Variants in USP7 observed in about 807,000 individuals in gnomAD.
USP7 encodes the protein ubiquitin specific peptidase 7, also known as ubiquitin C-terminal hydrolase 7.
In USP7, 9 loss-of-function variants were observed where a neutral mutation model predicts 162.9. That is an observed-to-expected ratio of 0.06 (90% confidence interval 0.03 to 0.10). The LOEUF (loss-of-function observed/expected upper bound fraction) is 0.10, where lower values mean the gene tolerates loss of function less well. Among genes scored for constraint, USP7 ranks in the 10% least tolerant of loss-of-function variants. The pLI is 1.00. For synonymous variants in USP7, 562 were observed against 475.9 expected (o/e 1.18, Z -2.35); for missense variants, 715 against 1,373.7 (o/e 0.52, Z 7.58).
chr16:8,945,896 TAAAAATTAAAA>T (rs1317380693), intron 1 of USP7, among the ~76,000 whole-genome samples: 1 of 149,900 alleles, frequency 6.7e-6, no homozygotes, highest in Non-Finnish European at 1.5e-5. Flanking sequence ...AAAAAAAAAG[TAAAAATTAAAA>T]AAAACAACAG....
chr16:8,919,337 C>A (rs982576124), intron 5 of USP7, among the ~76,000 whole-genome samples, 198 bp from the exon 6 acceptor site: 4 of 152,006 alleles, frequency 2.6e-5, no homozygotes, highest in African/African-American at 9.7e-5. Context: ...CCCCCACATT[C>A]GCACAGCCCT....
chr16:8,912,222 T>TA (rs2061958205), intron 10 of USP7, among the ~76,000 whole-genome samples: 1 of 151,650 alleles, frequency 6.6e-6, no homozygotes, highest in Non-Finnish European at 1.5e-5. Flanking sequence ...GAGGCAGAGG[T>TA]ACGTGGATCG....
intron 16 of USP7, 136 bp downstream of exon 16, chr16:8,903,132 G>T: frequency 8.4e-7 from 1 of 1,186,552 alleles, no homozygotes. Context: ...AAATGTTCCT[G>T]GGTCACACTC....
chr16:8,898,171 C>G (rs1375985482), intron 25 of USP7, among the ~76,000 whole-genome samples, 189 bp downstream of exon 25: 6 of 152,178 alleles, frequency 3.9e-5, no homozygotes, highest in Non-Finnish European at 8.8e-5. Flanking sequence ...ACATGTCATG[C>G]ACCCCAGAGG....
At chr16:8,918,275 G>A (rs1390196939) in intron 6 of USP7, among the ~76,000 whole-genome samples, 2 of 152,082 alleles carry the variant, frequency 1.3e-5, no homozygotes, top group Non-Finnish European at 2.9e-5. Context: ...CCCACAACCA[G>A]GAGTGCCGAT....
Position 8,915,357 on chromosome 16 carries a change from A to C in USP7, c.988-13T>G, listed in dbSNP as rs1352896814. 1 of 1,613,114 alleles carries C rather than the reference A, an allele frequency of 6.2e-7. No individual in the cohort carries two copies. Among genetic ancestry groups the C allele is most frequent in the African/African-American group, 1.3e-5 (1 of 74,850 alleles). Reference sequence around the variant, plus strand: ...ACTGGATATAGGACTGCAAATAAGGAAAGTAAAAGTGGTTTAACTAGTAAT... The same window carrying C: ...ACTGGATATAGGACTGCAAATAAGGCAAGTAAAAGTGGTTTAACTAGTAAT... On this transcript the variant is annotated splice_polypyrimidine_tract_variant and intron_variant, in intron 9 of 30. Transcript: ENST00000344836.
intron 28 of USP7, 67 bp downstream of exon 28, chr16:8,894,964 G>T (rs1040470579): frequency 1.9e-6 from 3 of 1,613,118 alleles, no homozygotes; most frequent in African/African-American, 2.7e-5. Flanking sequence ...GCGCAGATTC[G>T]GCAACAGCGG....
rs1245921451 is a variant in USP7, at chr16:8,892,986, G to A, written c.*1012C>T. 6.6e-6 allele frequency: 1 copy of A among 152,064 alleles called. No individual in the cohort carries two copies. The highest frequency in any genetic ancestry group is 1.5e-5 in the Non-Finnish European group (1 of 68,006). The allele number at this position is 152,064 out of a possible 1,614,324, so 9.4% of individuals were successfully genotyped here. A position where few individuals can be genotyped will look rare whatever the true frequency, so the allele number is the denominator to read the frequency against. Reference sequence around the variant, plus strand: ...TCCAAAATAAAAGGAAACGGGGCTGGGACCGAAATAAAACTACACACAATG... The same window carrying A: ...TCCAAAATAAAAGGAAACGGGGCTGAGACCGAAATAAAACTACACACAATG... On this transcript the variant is annotated 3_prime_UTR_variant, in exon 31 of 31. Transcript: ENST00000344836.
intron 1 of USP7, among the ~76,000 whole-genome samples, chr16:8,939,398 T>C (rs943302682): frequency 6.6e-6 from 1 of 152,370 alleles, no homozygotes; most frequent in Non-Finnish European, 1.5e-5. Context: ...TAGGATATCA[T>C]GGCAGGGATG....
Position 8,894,625 on chromosome 16 carries a change from C to T in USP7, c.3127G>A (p.Val1043Ile), listed in dbSNP as rs2061654224. 1.2e-6 allele frequency: 2 copies of T among 1,613,636 alleles called. No individual in the cohort carries two copies. Among genetic ancestry groups the T allele is most frequent in the South Asian group, 1.1e-5 (1 of 91,032 alleles). ...KEFEKFKFAIVMMGRHQYINE... is the reference protein window; with the variant it reads ...KEFEKFKFAIIMMGRHQYINE... ...ATGTACTGGTGTCGGCCCATCATTA[C>T]AATTGCAAATTTAAACTAAAAGAAA... is the stretch of plus-strand genomic sequence containing the variant. The change falls in exon 30 of 31, where the codon GTA becomes ATA. Residue 1043 changes from valine (V) to isoleucine (I), a missense_variant. By Grantham distance (29) the Val-to-Ile change is conservative (BLOSUM62 3). This residue lies in a region of USP7 where 222 missense variants were observed against 441.7 expected (regional missense o/e 0.50). Transcript: ENST00000344836.
At chr16:8,897,303 TACTG>T in intron 25 of USP7, 2 of 533,596 alleles carry the variant, frequency 3.7e-6, no homozygotes, top group Non-Finnish European at 6.7e-6. Context: ...ACCAACCAAA[TACTG>T]ACGGGAGGTT....
Position 8,914,704 on chromosome 16 carries a change from AC to A in USP7, c.1078+549del, listed in dbSNP as rs2062001655. On this transcript the variant is annotated intron_variant, in intron 10 of 30. Coordinates refer to ENST00000344836, the MANE Select transcript of USP7 (RefSeq NM_003470.3). Reference sequence around the variant, plus strand: ...AGCCCAAGGCAGGAAGGTTGCTTAAACCCAGGAGTTCAAGACCAGCCTGAGC... The same window carrying A: ...AGCCCAAGGCAGGAAGGTTGCTTAAACCAGGAGTTCAAGACCAGCCTGAGC... Among the ~76,000 whole-genome samples, 3 of 152,018 alleles carry A rather than the reference AC, an allele frequency of 2.0e-5. No homozygotes were observed. In the South Asian group the frequency reaches 6.2e-4, roughly 32 times the overall value.
At chr16:8,931,399 C>G (rs770151220) in intron 1 of USP7, among the ~76,000 whole-genome samples, 18 of 152,184 alleles carry the variant, frequency 1.2e-4, no homozygotes, top group Non-Finnish European at 2.2e-4. Flanking sequence ...TGTCGGTCAA[C>G]TGGTCTCGAA....
chr16:8,905,583 G>A (rs987869560), intron 13 of USP7, among the ~76,000 whole-genome samples: 1 of 152,124 alleles, frequency 6.6e-6, no homozygotes, highest in Non-Finnish European at 1.5e-5. Flanking sequence ...GCTACCATTC[G>A]CCCAATGGCA....
In USP7 at chr16:8,903,418, A is replaced by G; in HGVS notation, c.1705-16T>C. On this transcript the variant is annotated splice_polypyrimidine_tract_variant and intron_variant, in intron 15 of 30. Transcript: ENST00000344836. ...CTGCGACTATCTGAAAATATGTATGAAAGCACAGAAAAGACTTGACAACTG... is the reference window on the plus strand; with the variant it reads ...CTGCGACTATCTGAAAATATGTATGGAAGCACAGAAAAGACTTGACAACTG... 1 of 1,609,872 alleles carries G rather than the reference A, an allele frequency of 6.2e-7. No individual in the cohort carries two copies. Among genetic ancestry groups the G allele is most frequent in the South Asian group, 1.1e-5 (1 of 90,674 alleles).
intron 10 of USP7, 65 bp from the exon 11 acceptor site, chr16:8,910,892 G>GT (rs2061936223): frequency 3.8e-6 from 5 of 1,328,370 alleles, no homozygotes; most frequent in Non-Finnish European, 5.4e-6. Context: ...CAACACAGGT[G>GT]TAAGTTATTT....
chr16:8,946,100 G>A (rs1301817105), intron 1 of USP7, among the ~76,000 whole-genome samples: 1 of 152,046 alleles, frequency 6.6e-6, no homozygotes, highest in African/African-American at 2.4e-5. Flanking sequence ...TGGAACAAAT[G>A]GACTCTACAG....
chr16:8,920,848 T>C (rs1040636359), intron 4 of USP7, among the ~76,000 whole-genome samples: 1 of 152,096 alleles, frequency 6.6e-6, no homozygotes, highest in Non-Finnish European at 1.5e-5. Context: ...ATTACTGGAG[T>C]CACATGGAAC....
intron 1 of USP7, among the ~76,000 whole-genome samples, chr16:8,961,301 T>C (rs565487549): frequency 4.3e-4 from 66 of 152,152 alleles, no homozygotes; most frequent in Non-Finnish European, 8.1e-4. Flanking sequence ...GAGACCAGCC[T>C]GACCAACATG....
Sources: allele counts gnomAD v4.1 joint callset (sites outside exome capture counted in the v4.1 genomes callset), GRCh38; gene constraint gnomAD v4.1.1; regional missense constraint gnomAD v4.1.1; transcripts MANE v1.5; gene names NCBI Gene and HGNC (gene_info 2026-07-23, HGNC 2026-07-21).